Variants in DENND11 observed in about 807,000 individuals in gnomAD.
DENND11 encodes DENN domain-containing protein 11.
A neutral mutation model predicts 49.2 loss-of-function variants in DENND11; 34 were observed. That is an observed-to-expected ratio of 0.69 (90% CI 0.53 to 0.92). The LOEUF is 0.92. DENND11 is among the 40% of genes least tolerant of loss of function. DENND11 has a pLI of 0.00. For synonymous variants in DENND11, 238 were observed against 230.3 expected (o/e 1.03, Z -0.30); for missense variants, 475 against 581.6 (o/e 0.82, Z 1.88).
chr7:141,700,375 G>C (rs1314708549), intron 1 of DENND11, among the ~76,000 whole-genome samples: 1 of 151,088 alleles, frequency 6.6e-6, no homozygotes, highest in African/African-American at 2.4e-5. Context: ...CTGGTATCTA[G>C]GAATCTCAAA....
chr7:141,689,089 T>A (rs1052007043), intron 1 of DENND11, among the ~76,000 whole-genome samples: 3 of 152,232 alleles, frequency 2.0e-5, no homozygotes, highest in African/African-American at 7.2e-5. Context: ...GACTACTCAG[T>A]GTCTTAAAAC....
At chr7:141,696,234 T>G (rs1275681317) in intron 1 of DENND11, among the ~76,000 whole-genome samples, 1 of 152,192 alleles carries the variant, frequency 6.6e-6, no homozygotes, top group Non-Finnish European at 1.5e-5. Flanking sequence ...AGAGGTAGGC[T>G]GTCCTATCTA....
At chr7:141,693,955 T>G (rs1180828695) in intron 1 of DENND11, among the ~76,000 whole-genome samples, 2 of 152,200 alleles carry the variant, frequency 1.3e-5, no homozygotes, top group African/African-American at 4.8e-5. Context: ...TGAACCTTAA[T>G]GCAAACTATG....
chr7:141,686,468 G>T, intron 2 of DENND11, 91 bp downstream of exon 2: 1 of 787,124 alleles, frequency 1.3e-6, no homozygotes, highest in Non-Finnish European at 2.2e-6. Flanking sequence ...CACAGCACAC[G>T]AAGACCTCCT....
At chr7:141,685,029 A>AAAATAT (rs1305276426) in intron 3 of DENND11, among the ~76,000 whole-genome samples, 1,263 of 91,334 alleles carry the variant, frequency 0.014, 23 homozygotes, top group Non-Finnish European at 0.02. Flanking sequence ...AAAAAAAAAA[A>AAAATAT]ATATATATAT....
At chr7:141,679,175 C>G (rs1466465675) in intron 3 of DENND11, among the ~76,000 whole-genome samples, 1 of 152,100 alleles carries the variant, frequency 6.6e-6, no homozygotes, top group African/African-American at 2.4e-5. Flanking sequence ...CTTTCTTTTC[C>G]TCATACTCTG....
In DENND11 at chr7:141,660,427, A is replaced by C. The variant is rs968728315; in HGVS notation, c.*2229T>G. The C allele has an allele frequency of 6.6e-6, 1 of 152,242 alleles. No homozygotes were observed. Among genetic ancestry groups the C allele is most frequent in the Admixed American group, 6.5e-5 (1 of 15,282 alleles). 9.4% of individuals were successfully genotyped at this position (152,242 alleles called of 1,614,324 possible). On this transcript the variant is annotated 3_prime_UTR_variant, in exon 9 of 9. Transcript: ENST00000536163. ...AGATGTGAGACAGAAAGCTACCGAG[A>C]CAAGCACAAAGTTAAGGGAACCCAG...
At chr7:141,666,469 A>C (rs766414239) in intron 4 of DENND11, 44 bp from the exon 5 acceptor site, 22 of 1,499,884 alleles carry the variant, frequency 1.5e-5, no homozygotes, top group African/African-American at 2.8e-5. Flanking sequence ...AGTGAGGAAC[A>C]GCTTCTTAGA....
intron 1 of DENND11, among the ~76,000 whole-genome samples, chr7:141,687,169 A>G (rs1293186175): frequency 6.6e-6 from 1 of 152,096 alleles, no homozygotes; most frequent in Admixed American, 6.6e-5. Flanking sequence ...GATTTTCATG[A>G]TAGAATACTA....
At chr7:141,690,075 C>T (rs1798302967) in intron 1 of DENND11, among the ~76,000 whole-genome samples, 1 of 152,168 alleles carries the variant, frequency 6.6e-6, no homozygotes, top group Non-Finnish European at 1.5e-5. Flanking sequence ...ATGTTTCCAG[C>T]TGAGATTTGG....
intron 7 of DENND11, 96 bp from the exon 8 acceptor site, chr7:141,664,336 C>G: frequency 1.1e-6 from 1 of 904,592 alleles, no homozygotes; most frequent in African/African-American, 1.6e-5. Context: ...CCACCACCTC[C>G]CAGGAAGCAG....
At chr7:141,670,486 C>T (rs112963001) in intron 4 of DENND11, among the ~76,000 whole-genome samples, 21 of 152,256 alleles carry the variant, frequency 1.4e-4, no homozygotes, top group African/African-American at 3.9e-4. Context: ...CAACTATGTG[C>T]GTAGCATTTC....
chr7:141,701,836 CG>C (rs1563007966), intron 1 of DENND11, 49 bp downstream of exon 1: 2 of 1,152,860 alleles, frequency 1.7e-6, no homozygotes, highest in South Asian at 4.2e-5. Flanking sequence ...CCCCAAAGCT[CG>C]GGGGCACCCC....
At chr7:141,664,312 G>T in intron 7 of DENND11, 72 bp from the exon 8 acceptor site, 1 of 1,229,716 alleles carries the variant, frequency 8.1e-7, no homozygotes, top group Non-Finnish European at 1.2e-6. Flanking sequence ...CCTCAGCCAG[G>T]CATCTTCAAT....
intron 1 of DENND11, 103 bp from the exon 2 acceptor site, chr7:141,686,761 G>A: frequency 1.3e-6 from 1 of 768,254 alleles, no homozygotes; most frequent in Non-Finnish European, 2.2e-6. Flanking sequence ...ACCGACTGCT[G>A]ACTCAGCCTC....
At chr7:141,676,185 T>A (rs763060071) in intron 3 of DENND11, among the ~76,000 whole-genome samples, 1 of 152,224 alleles carries the variant, frequency 6.6e-6, no homozygotes, top group Non-Finnish European at 1.5e-5. Context: ...TTTATCATAT[T>A]TTAATACTAC....
chr7:141,686,784 G>A (rs904393579), intron 1 of DENND11, 126 bp from the exon 2 acceptor site: 2 of 658,638 alleles, frequency 3.0e-6, no homozygotes, highest in Non-Finnish European at 5.4e-6. Context: ...ACAGACCAGC[G>A]AGATGCTCAG....
chr7:141,660,462 CTCACCAT>C lies in DENND11; in HGVS notation c.*2187_*2193del, dbSNP rs1239358134. On this transcript the variant is annotated 3_prime_UTR_variant, in exon 9 of 9. Transcript: ENST00000536163. Reference sequence around the variant, plus strand: ...AGTTAAGGGAACCCAGAAGCCCTGACTCACCATTCAAAGGAAAAAACAGGAACTTCAT... The same window carrying C: ...AGTTAAGGGAACCCAGAAGCCCTGACTCAAAGGAAAAAACAGGAACTTCAT... 6.6e-6 allele frequency: 1 copy of C among 152,210 alleles called. No homozygotes were observed. The highest frequency in any genetic ancestry group is 2.4e-5 in the African/African-American group (1 of 41,434). The allele number at this position is 152,210 out of a possible 1,614,324, so 9.4% of individuals were successfully genotyped here.
chr7:141,685,427 AC>A (rs1459685398), intron 3 of DENND11, 50 bp downstream of exon 3: 1 of 1,602,058 alleles, frequency 6.2e-7, no homozygotes, highest in Non-Finnish European at 8.5e-7. Context: ...TGCCATATGC[AC>A]CAGCTGGTGG....
Sources: allele counts gnomAD v4.1 joint callset (sites outside exome capture counted in the v4.1 genomes callset), GRCh38; gene constraint gnomAD v4.1.1; transcripts MANE v1.5; gene names NCBI Gene and HGNC (gene_info 2026-07-23, HGNC 2026-07-21).